TMEM108: variants seen among roughly 807,000 people sequenced by gnomAD.
TMEM108 encodes cancer/testis antigen 124.
In TMEM108, 12 loss-of-function variants were observed where a neutral mutation model predicts 35.1. The ratio of observed to expected loss-of-function variants is 0.34; its 90% CI spans 0.22 to 0.55. The LOEUF (loss-of-function observed/expected upper bound fraction) is 0.55. Ranked by LOEUF, TMEM108 falls within the 20% of genes least tolerant of loss-of-function variation. The pLI is 0.89. For synonymous variants in TMEM108, 287 were observed against 308.6 expected, an observed-to-expected ratio of 0.93 and a Z score of 0.73; for missense variants, 680 against 753.3, an observed-to-expected ratio of 0.90 and a Z score of 1.14.
chr3:133,305,024 G>T (rs577898194), intron 3 of TMEM108, among the ~76,000 whole-genome samples: 2 of 152,068 alleles, frequency 1.3e-5, no homozygotes, highest in Middle Eastern at 3.4e-3. Flanking sequence ...CAGAGATTAC[G>T]GTAAGCCAAG....
chr3:133,057,251 C>T (rs932916778), intron 2 of TMEM108, among the ~76,000 whole-genome samples: 9 of 152,008 alleles, frequency 5.9e-5, no homozygotes, highest in African/African-American at 2.2e-4. Context: ...TTTTCTCAGA[C>T]GACCACCTTC....
intron 3 of TMEM108, among the ~76,000 whole-genome samples, chr3:133,236,071 T>G (rs1384406912): frequency 6.6e-6 from 1 of 152,140 alleles, no homozygotes; most frequent in Non-Finnish European, 1.5e-5. Context: ...ATATGATGTT[T>G]TTACATATCA....
chr3:133,086,483 A>G (rs1198308278), intron 2 of TMEM108, among the ~76,000 whole-genome samples: 1 of 152,140 alleles, frequency 6.6e-6, no homozygotes, highest in African/African-American at 2.4e-5. Flanking sequence ...TGTCTGCTTC[A>G]TTTCTATAAA....
intron 2 of TMEM108, among the ~76,000 whole-genome samples, chr3:133,176,043 T>C (rs1370411646): frequency 6.6e-6 from 1 of 152,144 alleles, no homozygotes; most frequent in Non-Finnish European, 1.5e-5. Flanking sequence ...AAAAACAGAA[T>C]TTAAACCAAC....
intron 4 of TMEM108, chr3:133,387,437 G>A (rs953085436): frequency 1.0e-6 from 1 of 985,354 alleles, no homozygotes; most frequent in Non-Finnish European, 1.2e-6. Context: ...CATGTGAGGG[G>A]AAGACAGCGT....
intron 3 of TMEM108, among the ~76,000 whole-genome samples, chr3:133,244,980 G>C (rs1946365076): frequency 6.6e-6 from 1 of 152,156 alleles, no homozygotes. Flanking sequence ...AGAGGGAGAG[G>C]AAGAGAAAGG....
chr3:133,220,909 C>A (rs1162369030), intron 2 of TMEM108, among the ~76,000 whole-genome samples: 1 of 152,064 alleles, frequency 6.6e-6, no homozygotes, highest in Non-Finnish European at 1.5e-5. Context: ...TCATAGAGCT[C>A]AGAAAGTGCT....
At chr3:133,113,879 G>A (rs996026859) in intron 2 of TMEM108, among the ~76,000 whole-genome samples, 2 of 152,174 alleles carry the variant, frequency 1.3e-5, no homozygotes, top group Non-Finnish European at 2.9e-5. Context: ...GGATGTGGCT[G>A]CATGTACTGG....
intron 2 of TMEM108, among the ~76,000 whole-genome samples, chr3:133,083,194 C>G (rs1457359665): frequency 2.7e-5 from 4 of 145,466 alleles, no homozygotes; most frequent in Non-Finnish European, 6.1e-5. Flanking sequence ...CCCGCCGCCC[C>G]ACTCCTCAGC....
chr3:133,103,942 C>T (rs995107036), intron 2 of TMEM108, among the ~76,000 whole-genome samples: 1 of 152,166 alleles, frequency 6.6e-6, no homozygotes, highest in Non-Finnish European at 1.5e-5. Flanking sequence ...TATATTCTAG[C>T]AGTTGCTGTT....
At chr3:133,150,283 CTT>C (rs1398057435) in intron 2 of TMEM108, among the ~76,000 whole-genome samples, 1 of 144,044 alleles carries the variant, frequency 6.9e-6, no homozygotes, top group African/African-American at 2.6e-5. Flanking sequence ...ATTTCTTTGT[CTT>C]CCTTGGAAAA....
chr3:133,244,484 T>C (rs144083817), intron 3 of TMEM108, among the ~76,000 whole-genome samples: 24 of 152,202 alleles, frequency 1.6e-4, no homozygotes, highest in African/African-American at 5.3e-4. Context: ...GGGCTGATTG[T>C]TAAACATTTG....
chr3:133,324,463 A>G (rs2071305182), intron 3 of TMEM108, among the ~76,000 whole-genome samples: 2 of 152,366 alleles, frequency 1.3e-5, no homozygotes, highest in Admixed American at 6.5e-5. Flanking sequence ...TCATTACCAC[A>G]ATGAGATACC....
At chr3:133,129,383 A>G (rs1944460516) in intron 2 of TMEM108, among the ~76,000 whole-genome samples, 1 of 148,226 alleles carries the variant, frequency 6.7e-6, no homozygotes, top group Admixed American at 6.7e-5. Flanking sequence ...CGAAACACTA[A>G]ATTAGTTCTT....
rs1313906817 is a variant in TMEM108, at chr3:133,380,570, G to C, written c.859G>C (p.Gly287Arg). 1 of 1,612,786 alleles carries C rather than the reference G, an allele frequency of 6.2e-7. No homozygotes were observed. Among genetic ancestry groups the C allele is most frequent in the African/African-American group, 1.3e-5 (1 of 75,006 alleles). The change falls in exon 4 of 6, where the codon GGT becomes CGT. Residue 287 changes from glycine (G) to arginine (R), a missense_variant. By Grantham distance (125) the Gly-to-Arg change is moderately radical (BLOSUM62 -2). This residue lies in a region of TMEM108 where 526 missense variants were observed against 532.1 expected (regional missense o/e 0.99). Transcript: ENST00000321871. This position sits in a 1 kb window ranked among gnomAD's most constrained non-coding sequence, Gnocchi z 5.3. Reference protein sequence around the residue: ...KPGLRRAAQGGGSTFTSQGGT... With the variant: ...KPGLRRAAQGRGSTFTSQGGT... The stretch of plus-strand genomic sequence containing the variant: ...AGGCCTTCGCAGAGCAGCCCAGGGG[G>C]GTGGTTCTACCTTCACCAGCCAAGG...
chr3:133,328,760 ATTTTAC>A lies in TMEM108; in HGVS notation c.41-50986_41-50981del, dbSNP rs373927427. ...CAGTGGATGGTGGAACCACATGTTT[ATTTTAC>A]TTTTAGTTTCCAAGTTTGCAGTAGG... On this transcript the variant is annotated intron_variant, in intron 3 of 5. Coordinates refer to ENST00000321871, the MANE Select transcript of TMEM108 (RefSeq NM_023943.4). 5.3e-5 allele frequency among the ~76,000 whole-genome samples: 8 copies of A among 152,252 alleles called. 1 individual carries two copies. Among genetic ancestry groups the A allele is most frequent in the African/African-American group, 1.9e-4 (8 of 41,552 alleles).
At chr3:133,090,878 C>T (rs891546354) in intron 2 of TMEM108, among the ~76,000 whole-genome samples, 3 of 151,928 alleles carry the variant, frequency 2.0e-5, no homozygotes, top group Non-Finnish European at 4.4e-5. Flanking sequence ...TATGGAGCTC[C>T]CAGAATTTAT....
intron 3 of TMEM108, among the ~76,000 whole-genome samples, chr3:133,279,985 T>C (rs1946890385): frequency 6.6e-6 from 1 of 152,180 alleles, no homozygotes. Context: ...TCTGTGTAGA[T>C]TATATTAAAT....
At chr3:133,071,541 C>A (rs1404905837) in intron 2 of TMEM108, among the ~76,000 whole-genome samples, 1 of 152,140 alleles carries the variant, frequency 6.6e-6, no homozygotes, top group African/African-American at 2.4e-5. Context: ...CATAGTTTAG[C>A]CCATAACACC....
Sources: gnomAD v4.1 joint callset for allele counts (sites outside exome capture counted in the v4.1 genomes callset) on GRCh38, gnomAD v4.1.1 for gene constraint, gnomAD v4.1.1 regional missense constraint, Gnocchi (gnomAD v3.1) non-coding constraint, MANE v1.5 for transcripts, NCBI Gene and HGNC (gene_info 2026-07-23, HGNC 2026-07-21) for gene names.